The following COL19A1 variants were observed in gnomAD, a reference collection of about 807,000 sequenced individuals.
The protein encoded by COL19A1 is collagen alpha-1(XIX) chain.
In COL19A1, 159 loss-of-function variants were observed where a neutral mutation model predicts 190.2. The ratio of observed to expected loss-of-function variants is 0.84; its 90% CI spans 0.73 to 0.95. COL19A1 has a LOEUF of 0.95. Among genes scored for constraint, COL19A1 ranks in the 40% least tolerant of loss-of-function variants. COL19A1 has a pLI of 0.00. For missense variants in COL19A1, 1,418 were observed against 1,431.9 expected, an observed-to-expected ratio of 0.99 and a Z score of 0.16; for synonymous variants, 509 against 458.9, an observed-to-expected ratio of 1.11 and a Z score of -1.39.
At chr6:70,118,958 TC>T (rs1217432601) in intron 16 of COL19A1, among the ~76,000 whole-genome samples, 1 of 152,204 alleles carries the variant, frequency 6.6e-6, no homozygotes, top group African/African-American at 2.4e-5. Context: ...AATACAGCTA[TC>T]TTCTGTGTGC....
In COL19A1 at chr6:69,936,842, A is replaced by G; in HGVS notation, c.805A>G (p.Ser269Gly). 1 of 1,613,210 alleles carries G rather than the reference A, an allele frequency of 6.2e-7. No homozygotes were observed. Among genetic ancestry groups the G allele is most frequent in the Non-Finnish European group, 8.5e-7 (1 of 1,179,328 alleles). Residue 269 changes from serine (S) to glycine (G), a missense_variant, in exon 8 of 51, where the codon AGT becomes GGT. Physicochemically the swap from Ser to Gly is moderately conservative, Grantham distance 56. Transcript: ENST00000620364. ...ATCATCATGGGTAACTGCTCATGCCAGTAAAATGTCTTCATATCTGCCAGC... is the reference window on the plus strand; with the variant it reads ...ATCATCATGGGTAACTGCTCATGCCGGTAAAATGTCTTCATATCTGCCAGC... ...IASSWVTAHA[S>G]KMSSYLPAKQ...
In COL19A1 at chr6:69,879,594, T is replaced by C. The variant is rs1768370619; in HGVS notation, c.27T>C (p.Leu9=). Residue 9 remains leucine, a synonymous_variant, in exon 2 of 51, where the codon CTT becomes CTC. Coordinates refer to ENST00000620364, the MANE Select transcript of COL19A1 (RefSeq NM_001858.6). ...TGAGACTCACTGGCCCTTGGAAACTTTGGCTTTGGATGTCAATATTTCTGC... is the reference window on the plus strand; with the variant it reads ...TGAGACTCACTGGCCCTTGGAAACTCTGGCTTTGGATGTCAATATTTCTGC... MRLTGPWK[L]WLWMSIFLLP... is the part of the protein sequence containing the mutation. 1.9e-6 allele frequency: 3 copies of C among 1,614,044 alleles called. No individual in the cohort carries two copies. Among genetic ancestry groups the C allele is most frequent in the Non-Finnish European group, 2.5e-6 (3 of 1,180,014 alleles).
chr6:70,150,181 T>C lies in COL19A1; in HGVS notation c.2037+136T>C, dbSNP rs1054040392. ...TGGTGATTTTGTTTATCCCCATTAT[T>C]TTGTCGAGTGAAAAAAAATTCAGGC... On this transcript the variant is annotated intron_variant, in intron 30 of 50. Transcript: ENST00000620364. 5 of 892,918 alleles carry C rather than the reference T, an allele frequency of 5.6e-6. No homozygotes were observed. The African/African-American group carries it at 8.4e-5, about 15-fold the overall frequency. 55.3% of individuals were successfully genotyped at this position (892,918 alleles called of 1,614,324 possible).
intron 15 of COL19A1, among the ~76,000 whole-genome samples, chr6:70,071,855 A>G (rs1365881440): frequency 6.6e-6 from 1 of 152,120 alleles, no homozygotes; most frequent in Non-Finnish European, 1.5e-5. Flanking sequence ...AGATTCTTGA[A>G]GGGTTCAGCA....
intron 4 of COL19A1, among the ~76,000 whole-genome samples, chr6:69,906,482 A>T (rs1353119638): frequency 6.6e-6 from 1 of 152,130 alleles, no homozygotes; most frequent in Non-Finnish European, 1.5e-5. Context: ...GAGTGAGCAT[A>T]TGTGTTCCAT....
intron 36 of COL19A1, among the ~76,000 whole-genome samples, chr6:70,165,506 G>C (rs917852382): frequency 2.6e-5 from 4 of 152,138 alleles, no homozygotes; most frequent in African/African-American, 9.7e-5. Context: ...AAATTATGTG[G>C]ATGTCCCCTC....
intron 11 of COL19A1, among the ~76,000 whole-genome samples, chr6:70,009,319 T>C (rs759151393): frequency 6.6e-6 from 1 of 152,024 alleles, no homozygotes; most frequent in South Asian, 2.1e-4. Context: ...AGGAATCAAA[T>C]TGAATATACA....
chr6:69,928,310 T>C (rs1251623750), intron 5 of COL19A1, among the ~76,000 whole-genome samples: 1 of 152,128 alleles, frequency 6.6e-6, no homozygotes, highest in East Asian at 1.9e-4. Flanking sequence ...GCCTTCTCTT[T>C]ACAACTGCTT....
intron 9 of COL19A1, among the ~76,000 whole-genome samples, chr6:69,957,529 C>T (rs866787013): frequency 6.6e-6 from 1 of 151,812 alleles, no homozygotes; most frequent in African/African-American, 2.4e-5. Context: ...AAAAGGAATA[C>T]AAGTCCTTTC....
At chr6:69,969,071 G>A (rs1775277005) in intron 11 of COL19A1, among the ~76,000 whole-genome samples, 1 of 152,094 alleles carries the variant, frequency 6.6e-6, no homozygotes, top group South Asian at 2.1e-4. Flanking sequence ...ATAAAATAAA[G>A]TTAATTACTA....
intron 23 of COL19A1, 24 bp downstream of exon 23, chr6:70,142,844 T>G: frequency 6.3e-7 from 1 of 1,599,522 alleles, no homozygotes; most frequent in Non-Finnish European, 8.5e-7. Context: ...CTTTGATATT[T>G]CTGGAATTGA....
At position 70,144,217 on chromosome 6, in the gene COL19A1, CAGG is replaced by C. The variant is rs780379578; in HGVS notation, c.1637_1639del (p.Gly546del). Reference sequence around the variant, plus strand: ...TAACTCTGAGTTTTCTAGGGATTGCCAGGAGAACATGGTATCCCAGGAAAACAA... The same window carrying C: ...TAACTCTGAGTTTTCTAGGGATTGCCAGAACATGGTATCCCAGGAAAACAA... On this transcript the variant is annotated inframe_deletion, in exon 24 of 51. Coordinates refer to ENST00000620364, the MANE Select transcript of COL19A1 (RefSeq NM_001858.6). 1 of 1,612,086 alleles carries C rather than the reference CAGG, an allele frequency of 6.2e-7. No individual in the cohort carries two copies. The highest frequency in any genetic ancestry group is 8.5e-7 in the Non-Finnish European group (1 of 1,178,684).
At chr6:69,962,261 C>T (rs879876235) in intron 10 of COL19A1, among the ~76,000 whole-genome samples, 1 of 152,132 alleles carries the variant, frequency 6.6e-6, no homozygotes, top group Non-Finnish European at 1.5e-5. Flanking sequence ...GCCAGCAGCC[C>T]TCCAACCACC....
intron 24 of COL19A1, among the ~76,000 whole-genome samples, chr6:70,144,633 C>T (rs1004901611): frequency 3.9e-5 from 6 of 152,248 alleles, no homozygotes; most frequent in Middle Eastern, 3.4e-3. Flanking sequence ...ACATAAAGAT[C>T]GTCTATAGAA....
chr6:69,895,192 A>G (rs907076414), intron 2 of COL19A1, among the ~76,000 whole-genome samples: 3 of 151,996 alleles, frequency 2.0e-5, no homozygotes, highest in Non-Finnish European at 4.4e-5. Flanking sequence ...ATCGGCATGG[A>G]GCTGCTGCTC....
At chr6:69,971,193 A>C (rs1233480771) in intron 11 of COL19A1, among the ~76,000 whole-genome samples, 1 of 152,230 alleles carries the variant, frequency 6.6e-6, no homozygotes, top group Non-Finnish European at 1.5e-5. Flanking sequence ...ATAATATTTT[A>C]TGAACATTAG....
At chr6:70,202,030 A>G (rs1767585596) in intron 49 of COL19A1, among the ~76,000 whole-genome samples, 2 of 152,226 alleles carry the variant, frequency 1.3e-5, no homozygotes, top group Non-Finnish European at 2.9e-5. Flanking sequence ...AAAGAAAAAA[A>G]TGCATTTAAA....
chr6:69,975,171 T>TGTAA (rs1385474859), intron 11 of COL19A1, among the ~76,000 whole-genome samples: 1 of 152,190 alleles, frequency 6.6e-6, no homozygotes, highest in Non-Finnish European at 1.5e-5. Context: ...AACATTTTCA[T>TGTAA]GTAAGTATCT....
intron 11 of COL19A1, among the ~76,000 whole-genome samples, chr6:69,969,704 T>A (rs1428126001): frequency 6.6e-6 from 1 of 152,188 alleles, no homozygotes; most frequent in Non-Finnish European, 1.5e-5. Context: ...CTTCCTTTTT[T>A]ATAAGGGACT....
Sources: gnomAD v4.1 joint callset for allele counts (sites outside exome capture counted in the v4.1 genomes callset) on GRCh38, gnomAD v4.1.1 for gene constraint, MANE v1.5 for transcripts, NCBI Gene and HGNC (gene_info 2026-07-23, HGNC 2026-07-21) for gene names.